The following DNAJC18 variants were observed in gnomAD, a reference collection of about 807,000 sequenced individuals.
The protein encoded by DNAJC18 is DnaJ heat shock protein family (Hsp40) member C18, also known as dnaJ homolog subfamily C member 18.
A neutral mutation model predicts 48.6 loss-of-function variants in DNAJC18; 40 were observed. The ratio of observed to expected loss-of-function variants is 0.82; its 90% CI spans 0.64 to 1.07. The LOEUF is 1.07. DNAJC18 is among the 50% of genes least tolerant of loss of function. The probability of loss-of-function intolerance (pLI) is 0.00; values close to 1 mark genes in which losing one functional copy is unlikely to be tolerated. For synonymous variants in DNAJC18, 135 were observed against 152.2 expected (o/e 0.89, Z 0.83); for missense variants, 340 against 427.7 (o/e 0.79, Z 1.81).
Position 139,414,030 on chromosome 5 carries a change from C to T in DNAJC18, c.*118G>A, listed in dbSNP as rs893383522. On this transcript the variant is annotated 3_prime_UTR_variant, in exon 8 of 8. Coordinates refer to ENST00000302060, the MANE Select transcript of DNAJC18 (RefSeq NM_152686.4). ...TGCTCCTGCCACTCTGCCCAACCAACGAAGTTAGCAAATAGTAAAGTGTTC... is the reference window on the plus strand; with the variant it reads ...TGCTCCTGCCACTCTGCCCAACCAATGAAGTTAGCAAATAGTAAAGTGTTC... 15 of 1,442,126 alleles carry T rather than the reference C, an allele frequency of 1.0e-5. No individual in the cohort carries two copies. The highest frequency in any genetic ancestry group is 4.3e-5 in the African/African-American group (3 of 69,150). The allele number at this position is 1,442,126 out of a possible 1,614,324, so 89.3% of individuals were successfully genotyped here.
chr5:139,427,559 C>T (rs962146134), intron 3 of DNAJC18, among the ~76,000 whole-genome samples: 1 of 152,158 alleles, frequency 6.6e-6, no homozygotes, highest in Admixed American at 6.6e-5. Flanking sequence ...AATAATTATA[C>T]ATTTATTTTG....
intron 2 of DNAJC18, among the ~76,000 whole-genome samples, chr5:139,434,027 G>C (rs1208314430): frequency 6.6e-6 from 1 of 151,972 alleles, no homozygotes; most frequent in African/African-American, 2.4e-5. Context: ...AAGTAGCTGG[G>C]ATTACAGGTG....
intron 3 of DNAJC18, among the ~76,000 whole-genome samples, chr5:139,427,036 C>T (rs962899411): frequency 6.6e-6 from 1 of 152,138 alleles, no homozygotes; most frequent in African/African-American, 2.4e-5. Context: ...GTTCTTATTT[C>T]ACTTGAGTGC....
At chr5:139,421,969 T>C (rs765510421) in intron 6 of DNAJC18, among the ~76,000 whole-genome samples, 12 of 152,138 alleles carry the variant, frequency 7.9e-5, no homozygotes, top group Admixed American at 1.3e-4. Context: ...TAATGAATAA[T>C]AATTTATTAT....
chr5:139,437,667 G>T, intron 1 of DNAJC18, 109 bp from the exon 2 acceptor site: 1 of 1,304,658 alleles, frequency 7.7e-7, no homozygotes, highest in Non-Finnish European at 1.0e-6. Context: ...AGGTAAGCAT[G>T]ATGGCCAGGG....
intron 2 of DNAJC18, among the ~76,000 whole-genome samples, chr5:139,432,219 C>T (rs373134401): frequency 1.3e-4 from 20 of 151,396 alleles, no homozygotes; most frequent in Middle Eastern, 3.4e-3. Context: ...GGCTGGAGTG[C>T]GATGGCATGT....
chr5:139,429,301 C>A (rs1034347811), intron 2 of DNAJC18, among the ~76,000 whole-genome samples: 2 of 152,050 alleles, frequency 1.3e-5, no homozygotes, highest in African/African-American at 4.8e-5. Context: ...TTAGGCTGGT[C>A]TCAAACTCCT....
At chr5:139,438,127 T>C (rs1750717497) in intron 1 of DNAJC18, among the ~76,000 whole-genome samples, 1 of 152,004 alleles carries the variant, frequency 6.6e-6, no homozygotes, top group Non-Finnish European at 1.5e-5. Flanking sequence ...CCATCCTGGC[T>C]AACACCGTGA....
At chr5:139,430,000 A>AGTTT (rs1020284346) in intron 2 of DNAJC18, among the ~76,000 whole-genome samples, 1 of 152,216 alleles carries the variant, frequency 6.6e-6, no homozygotes, top group African/African-American at 2.4e-5. Flanking sequence ...ATAGAATAAT[A>AGTTT]GTTTAGACTA....
In DNAJC18 at chr5:139,439,410, C is replaced by T; in HGVS notation, c.36G>A (p.Thr12=). 6.2e-7 allele frequency: 1 copy of T among 1,614,082 alleles called. No individual in the cohort carries two copies. Among genetic ancestry groups the T allele is most frequent in the Non-Finnish European group, 8.5e-7 (1 of 1,180,026 alleles). Residue 12 remains threonine, a synonymous_variant, in exon 1 of 8, where the codon ACG becomes ACA. Transcript: ENST00000302060. The surrounding 1 kb of genome is among the most constrained non-coding windows in gnomAD (Gnocchi z 4.1). The part of the protein sequence containing the change: ...AATLGSGERW[T]EAYIDAVRRN... ...CTTCAGGCGGGGACCTAGTACCTTC[C>T]GTCCAGCGCTCCCCGCTGCCCAGAG... is the stretch of plus-strand genomic sequence containing the variant.
Position 139,425,030 on chromosome 5 carries a change from TTC to T in DNAJC18, c.642_643del (p.Lys215GlyfsTer36), listed in dbSNP as rs1193600348. 2 of 1,613,232 alleles carry T rather than the reference TTC, an allele frequency of 1.2e-6. No homozygotes were observed. ...CTGAGGTTTCTCTTCTTCCTCCTCC[TTC>T]TGAGTCTGTGTCCTCTCATGTCGGT... On this transcript the variant is annotated frameshift_variant, in exon 5 of 8. Coordinates refer to ENST00000302060, the MANE Select transcript of DNAJC18 (RefSeq NM_152686.4). LOFTEE classifies it high-confidence loss of function.
In DNAJC18 at chr5:139,425,215, G is replaced by C. The variant is rs138626557; in HGVS notation, c.560-101C>G. 1.2e-4 allele frequency: 101 copies of C among 874,680 alleles called. No individual in the cohort carries two copies. The East Asian group carries it at 2.9e-3, about 25-fold the overall frequency. The allele number at this position is 874,680 out of a possible 1,614,324, so 54.2% of individuals were successfully genotyped here. The stretch of plus-strand genomic sequence containing the variant: ...GTTTTGCTCTGTTACCCAGACTGGA[G>C]TGCAATGGGGTGATCTCGGCTCACT... On this transcript the variant is annotated intron_variant, in intron 4 of 7. Coordinates refer to ENST00000302060, the MANE Select transcript of DNAJC18 (RefSeq NM_152686.4).
chr5:139,425,181 G>A (rs1400122272), intron 4 of DNAJC18, 67 bp from the exon 5 acceptor site: 2 of 1,327,138 alleles, frequency 1.5e-6, no homozygotes, highest in East Asian at 5.0e-5. Context: ...TTTTTTTTTT[G>A]GAGATGGAGT....
Position 139,439,368 on chromosome 5 carries a change from A to C in DNAJC18, c.40+38T>G. ...GATCCTCATCCCTGATCTCTCCCGAAGGCCGCCCTATCCCTCCTTCAGGCG... is the reference window on the plus strand; with the variant it reads ...GATCCTCATCCCTGATCTCTCCCGACGGCCGCCCTATCCCTCCTTCAGGCG... On this transcript the variant is annotated intron_variant, in intron 1 of 7. Transcript: ENST00000302060. The surrounding 1 kb of genome is among the most constrained non-coding windows in gnomAD (Gnocchi z 4.1). The C allele has an allele frequency of 6.2e-7, 1 of 1,614,106 alleles. No homozygotes were observed. Among genetic ancestry groups the C allele is most frequent in the Non-Finnish European group, 8.5e-7 (1 of 1,180,010 alleles).
rs373395001 is a variant in DNAJC18 at position 139,425,133 on chromosome 5, G to C, written c.560-19C>G. Reference sequence around the variant, plus strand: ...ATATTTCCTGGAAAAGAAATACATGGTATGGGATATGGCAAACACTCCTTC... The same window carrying C: ...ATATTTCCTGGAAAAGAAATACATGCTATGGGATATGGCAAACACTCCTTC... On this transcript the variant is annotated intron_variant, in intron 4 of 7. Transcript: ENST00000302060. 2 of 1,595,088 alleles carry C rather than the reference G, an allele frequency of 1.3e-6. No individual in the cohort carries two copies. The highest frequency in any genetic ancestry group is 1.7e-6 in the Non-Finnish European group (2 of 1,164,594).
intron 7 of DNAJC18, among the ~76,000 whole-genome samples, chr5:139,414,786 C>T (rs550786774): frequency 3.9e-5 from 6 of 152,250 alleles, no homozygotes; most frequent in African/African-American, 1.2e-4. Context: ...CTGTTCATTC[C>T]CTCACCACAC....
rs1215289273 is a variant in DNAJC18 at position 139,410,773 on chromosome 5, CT to C, written c.*3374del. ...GTTCACTGTATTTTCTTTTTTCTTT[CT>C]TTTTTTTTTTTTGAGACAGAGTCTT... On this transcript the variant is annotated 3_prime_UTR_variant, in exon 8 of 8. Transcript: ENST00000302060. 375 of 145,024 alleles carry C rather than the reference CT, an allele frequency of 2.6e-3. No homozygotes were observed. The highest frequency in any genetic ancestry group is 2.9e-3 in the Non-Finnish European group (191 of 65,890). 9.0% of individuals were successfully genotyped at this position (145,024 alleles called of 1,614,324 possible).
intron 2 of DNAJC18, among the ~76,000 whole-genome samples, chr5:139,434,249 T>C (rs1759375042): frequency 6.6e-6 from 1 of 152,184 alleles, no homozygotes; most frequent in Non-Finnish European, 1.5e-5. Context: ...CATATAAAAA[T>C]CCATGGTTCA....
chr5:139,429,081 T>C (rs1248197769), intron 2 of DNAJC18, among the ~76,000 whole-genome samples: 10 of 121,392 alleles, frequency 8.2e-5, no homozygotes, highest in African/African-American at 1.5e-4. Context: ...TATTTTTTGC[T>C]TTTTTTTTTT....
Sources: allele counts gnomAD v4.1 joint callset (sites outside exome capture counted in the v4.1 genomes callset), GRCh38; gene constraint gnomAD v4.1.1; non-coding constraint Gnocchi (gnomAD v3.1); transcripts MANE v1.5; gene names NCBI Gene and HGNC (gene_info 2026-07-23, HGNC 2026-07-21).